HCFC1R1: variants seen among roughly 807,000 people sequenced by gnomAD.
HCFC1R1 encodes the protein HCF-1 beta-propeller-interacting protein.
Under a neutral mutation model 13.3 loss-of-function variants are expected in HCFC1R1, and 17 were observed. The observed-to-expected ratio is 1.28, with a 90% CI of 0.87 to 1.91. HCFC1R1 has a LOEUF of 1.91. HCFC1R1 is among the 40% of genes most tolerant of loss of function. The probability of loss-of-function intolerance (pLI) is 0.00; values close to 1 mark genes in which losing one functional copy is unlikely to be tolerated. For missense variants in HCFC1R1, 218 were observed against 177.9 expected (o/e 1.23, Z -1.28); for synonymous variants, 87 against 71.1 (o/e 1.22, Z -1.12).
At position 3,022,759 on chromosome 16, in the gene HCFC1R1, G is replaced by A; in HGVS notation, c.*104C>T. The stretch of plus-strand genomic sequence containing the variant: ...TGAGGGAAGGTCTTGGTGCCCAGAT[G>A]CCTACTCTGCAGGAGAGGGAGGAAC... On this transcript the variant is annotated 3_prime_UTR_variant, in exon 4 of 4. Transcript: ENST00000248089. 9.4e-7 allele frequency: 1 copy of A among 1,062,542 alleles called. No homozygotes were observed. Among genetic ancestry groups the A allele is most frequent in the East Asian group, 3.3e-5 (1 of 30,170 alleles). 65.8% of individuals were successfully genotyped at this position (1,062,542 alleles called of 1,614,324 possible).
Position 3,022,794 on chromosome 16 carries a change from T to C in HCFC1R1, c.*69A>G, listed in dbSNP as rs2072638973. 7.4e-6 allele frequency: 10 copies of C among 1,359,088 alleles called. No homozygotes were observed. Among genetic ancestry groups the C allele is most frequent in the Middle Eastern group, 1.9e-4 (1 of 5,336 alleles). 84.2% of individuals were successfully genotyped at this position (1,359,088 alleles called of 1,614,324 possible). ...CAGGAGAGGGAGGAACCTTGTCCCT[T>C]TGCGGGAGTCGCTGGTCTCTTCTGT... is the stretch of plus-strand genomic sequence containing the variant. On this transcript the variant is annotated 3_prime_UTR_variant, in exon 4 of 4. Coordinates refer to ENST00000248089, the MANE Select transcript of HCFC1R1 (RefSeq NM_017885.4).
In HCFC1R1 at chr16:3,022,957, CT is replaced by C; in HGVS notation, c.322del (p.Ser108AlafsTer10). ...SELLLWRYPG[S>X]LIPEALRLLR... ...CAGACGGAGGGCCTCAGGGATGAGG[CT>C]GCCAGGATAGCGCCAGAGAAGCAGC... On this transcript the variant is annotated frameshift_variant, in exon 4 of 4. Transcript: ENST00000248089. LOFTEE classifies it high-confidence loss of function. 6.3e-7 allele frequency: 1 copy of C among 1,588,130 alleles called. No individual in the cohort carries two copies. Among genetic ancestry groups the C allele is most frequent in the Non-Finnish European group, 8.5e-7 (1 of 1,172,344 alleles).
rs1481818577 is a variant in HCFC1R1 at position 3,023,843 on chromosome 16, G to C, written c.95+4C>G. 3 of 1,539,642 alleles carry C rather than the reference G, an allele frequency of 1.9e-6. No individual in the cohort carries two copies. In the South Asian group the frequency reaches 3.6e-5, roughly 18 times the overall value. On this transcript the variant is annotated splice_donor_region_variant and intron_variant, in intron 1 of 3. Coordinates refer to ENST00000248089, the MANE Select transcript of HCFC1R1 (RefSeq NM_017885.4). Reference sequence around the variant, plus strand: ...TCAGGCCCACCCTGGTCCCCTACACGCACCTGGCGTCCAGGCCCCAAGTCA... The same window carrying C: ...TCAGGCCCACCCTGGTCCCCTACACCCACCTGGCGTCCAGGCCCCAAGTCA...
At chr16:3,023,080 G>C in intron 3 of HCFC1R1, 82 bp from the exon 4 acceptor site, 1 of 1,541,720 alleles carries the variant, frequency 6.5e-7, no homozygotes, top group South Asian at 1.2e-5. Context: ...GTCCCCAGGG[G>C]CTCCTGGGTT....
rs1392750112 is a variant in HCFC1R1 at position 3,022,663 on chromosome 16, G to C, written c.*200C>G. ...CAATCTTTATTCAGTTCTTCTTGGG[G>C]GTGGGATGCCTCCCTTCCCATGCTC... On this transcript the variant is annotated 3_prime_UTR_variant, in exon 4 of 4. Coordinates refer to ENST00000248089, the MANE Select transcript of HCFC1R1 (RefSeq NM_017885.4). 3 of 457,032 alleles carry C rather than the reference G, an allele frequency of 6.6e-6. No homozygotes were observed. The highest frequency in any genetic ancestry group is 1.2e-5 in the Non-Finnish European group (3 of 255,846). 28.3% of individuals were successfully genotyped at this position (457,032 alleles called of 1,614,324 possible). A position where few individuals can be genotyped will look rare whatever the true frequency, so the allele number is the denominator to read the frequency against.
chr16:3,022,798 G>A lies in HCFC1R1; in HGVS notation c.*65C>T, dbSNP rs1028752420. 5.1e-6 allele frequency: 7 copies of A among 1,371,380 alleles called. No homozygotes were observed. The highest frequency in any genetic ancestry group is 3.6e-5 in the Admixed American group (1 of 27,866). The allele number at this position is 1,371,380 out of a possible 1,614,324, so 85.0% of individuals were successfully genotyped here. ...AGAGGGAGGAACCTTGTCCCTTTGC[G>A]GGAGTCGCTGGTCTCTTCTGTTGTG... On this transcript the variant is annotated 3_prime_UTR_variant, in exon 4 of 4. Transcript: ENST00000248089.
chr16:3,023,965 G>A (rs1172142204), upstream of HCFC1R1: 1 of 1,509,306 alleles, frequency 6.6e-7, no homozygotes, highest in South Asian at 1.2e-5. Context: ...CCTGCGGGTG[G>A]GATCTGGGCG....
Position 3,023,490 on chromosome 16 carries a change from G to A in HCFC1R1, c.136C>T (p.Arg46Cys), listed in dbSNP as rs544428830. The A allele has an allele frequency of 1.9e-6, 3 of 1,611,942 alleles. No homozygotes were observed. Among genetic ancestry groups the A allele is most frequent in the Admixed American group, 3.3e-5 (2 of 59,934 alleles). ...CAAACTCACTGCTCCTCCTCCAGGC[G>A]CCGCTTGGTGCTCATGGGCACAGCT... Reference protein sequence around the residue: ...RGAVPMSTKRRLEEEQEPLRK... With the variant: ...RGAVPMSTKRCLEEEQEPLRK... Residue 46 changes from arginine (R) to cysteine (C), a missense_variant, in exon 2 of 4, where the codon CGC becomes TGC. By Grantham distance (180) the Arg-to-Cys change is radical. Transcript: ENST00000248089.
intron 3 of HCFC1R1, 76 bp downstream of exon 3, chr16:3,023,157 G>A: frequency 1.3e-6 from 2 of 1,502,096 alleles, no homozygotes; most frequent in South Asian, 1.2e-5. Context: ...AAAATGGCAC[G>A]ATGAGGCAGG....
Position 3,023,241 on chromosome 16 carries a change from G to A in HCFC1R1, c.273C>T (p.Pro91=), listed in dbSNP as rs762511713. 1.3e-6 allele frequency: 2 copies of A among 1,553,388 alleles called. No individual in the cohort carries two copies. Among genetic ancestry groups the A allele is most frequent in the Admixed American group, 1.9e-5 (1 of 51,664 alleles). ...SPPMTFSPAL[P]PLRSPCSELL... Reference sequence around the variant, plus strand: ...CCAGTGGAGGAACCTACCTGAGTGGGGGCAGGGCTGGGGAGAAGGTCATGG... The same window carrying A: ...CCAGTGGAGGAACCTACCTGAGTGGAGGCAGGGCTGGGGAGAAGGTCATGG... Residue 91 remains proline, a synonymous_variant, in exon 3 of 4, where the codon CCC becomes CCT. Transcript: ENST00000248089.
At chr16:3,024,182 T>G, upstream of HCFC1R1, 1 of 1,011,346 alleles carries the variant, frequency 9.9e-7, no homozygotes, top group South Asian at 1.4e-5. Flanking sequence ...GGCGCTCACC[T>G]CGGCTCCTAG....
upstream of HCFC1R1, chr16:3,024,069 G>A (rs1418192614): frequency 2.5e-6 from 2 of 807,270 alleles, no homozygotes; most frequent in Non-Finnish European, 3.8e-6. Flanking sequence ...GCGGAAGACG[G>A]GCGGCGCGTG....
intron 3 of HCFC1R1, 104 bp from the exon 4 acceptor site, chr16:3,023,102 C>T: frequency 1.3e-6 from 2 of 1,522,076 alleles, no homozygotes; most frequent in Non-Finnish European, 1.8e-6. Flanking sequence ...CCAGCACTTT[C>T]CAAAGAGCCA....
In HCFC1R1 at chr16:3,023,234, T is replaced by A. The variant is rs747477491; in HGVS notation, c.280A>T (p.Arg94Trp). 1 of 1,546,104 alleles carries A rather than the reference T, an allele frequency of 6.5e-7. No individual in the cohort carries two copies. Among genetic ancestry groups the A allele is most frequent in the Admixed American group, 2.0e-5 (1 of 50,146 alleles). The change falls in exon 3 of 4, where the codon AGG becomes TGG. Residue 94 changes from arginine (R) to tryptophan (W), a missense_variant and splice_region_variant. By Grantham distance (101) the Arg-to-Trp change is moderately radical. Transcript: ENST00000248089. The stretch of plus-strand genomic sequence containing the variant: ...GGCCTGGCCAGTGGAGGAACCTACC[T>A]GAGTGGGGGCAGGGCTGGGGAGAAG... ...MTFSPALPPLRSPCSELLLWR... is the reference protein window; with the variant it reads ...MTFSPALPPLWSPCSELLLWR...
intron 1 of HCFC1R1, 41 bp downstream of exon 1, chr16:3,023,806 T>C: frequency 6.9e-7 from 1 of 1,439,786 alleles, no homozygotes; most frequent in South Asian, 1.2e-5. Context: ...CCAAAGCTCC[T>C]GCGGCCCTTG....
rs1255618929 is a variant in HCFC1R1, at chr16:3,023,846, C to T, written c.95+1G>A. 1 of 1,541,602 alleles carries T rather than the reference C, an allele frequency of 6.5e-7. No individual in the cohort carries two copies. The highest frequency in any genetic ancestry group is 8.7e-7 in the Non-Finnish European group (1 of 1,148,934). On this transcript the variant is annotated splice_donor_variant, in intron 1 of 3. Coordinates refer to ENST00000248089, the MANE Select transcript of HCFC1R1 (RefSeq NM_017885.4). LOFTEE classifies it high-confidence loss of function. ...GGCCCACCCTGGTCCCCTACACGCA[C>T]CTGGCGTCCAGGCCCCAAGTCACCC...
At chr16:3,024,264 G>A (rs2072720982), upstream of HCFC1R1, 1 of 1,608,114 alleles carries the variant, frequency 6.2e-7, no homozygotes, top group South Asian at 1.1e-5. Context: ...AACCGCTCTA[G>A]GCACGTAAGG....
At chr16:3,023,771 C>A in intron 1 of HCFC1R1, 76 bp downstream of exon 1, 2 of 1,232,830 alleles carry the variant, frequency 1.6e-6, no homozygotes, top group Non-Finnish European at 2.3e-6. Context: ...CGTATTCATC[C>A]TGCAGACCAG....
In HCFC1R1 at chr16:3,023,928, T is replaced by C; in HGVS notation, c.14A>G (p.Gln5Arg). 1 of 1,555,816 alleles carries C rather than the reference T, an allele frequency of 6.4e-7. No homozygotes were observed. The highest frequency in any genetic ancestry group is 1.2e-5 in the South Asian group (1 of 84,878). MILQ[Q>R]PLQRGPQGGA... ...TCCCTGGGGGCCTCGCTGCAAGGGC[T>C]GCTGCAGGATCATTGGGTTTTGGGG... The change falls in exon 1 of 4, where the codon CAG becomes CGG. Residue 5 changes from glutamine to arginine, a missense_variant. Coordinates refer to ENST00000248089, the MANE Select transcript of HCFC1R1 (RefSeq NM_017885.4).
Sources: gnomAD v4.1 joint callset for allele counts on GRCh38, gnomAD v4.1.1 for gene constraint, MANE v1.5 for transcripts, NCBI Gene and HGNC (gene_info 2026-07-23, HGNC 2026-07-21) for gene names.